GSC: variants seen among roughly 807,000 people sequenced by gnomAD.
GSC encodes goosecoid homeobox.
A neutral mutation model predicts 24.5 loss-of-function variants in GSC; 13 were observed. The ratio of observed to expected loss-of-function variants is 0.53; its 90% CI spans 0.35 to 0.84. The LOEUF is 0.84. Ranked by LOEUF, GSC falls within the 40% of genes least tolerant of loss-of-function variation. The pLI is 0.01. For missense variants in GSC, 382 were observed against 384.2 expected, an observed-to-expected ratio of 0.99 and a Z score of 0.05; for synonymous variants, 199 against 182.1, an observed-to-expected ratio of 1.09 and a Z score of -0.75.
chr14:94,769,680 G>A lies in GSC; in HGVS notation c.336C>T (p.Ser112=). ...AVPPLGAQQC[S]CVPTPPGYEG... is the part of the protein sequence containing the mutation. ...CCCTACCTGGGGGCGTCGGGACGCA[G>A]GAGCACTGCTGGGCGCCCAGCGGCG... is the stretch of plus-strand genomic sequence containing the variant. Residue 112 remains serine (S), a synonymous_variant, in exon 1 of 3, where the codon TCC becomes TCT. Transcript: ENST00000238558. 6.9e-7 allele frequency: 1 copy of A among 1,449,136 alleles called. No individual in the cohort carries two copies. The allele number at this position is 1,449,136 out of a possible 1,614,324, so 89.8% of individuals were successfully genotyped here. A position where few individuals can be genotyped will look rare whatever the true frequency, so the allele number is the denominator to read the frequency against.
chr14:94,769,458 C>G (rs1357815870), intron 1 of GSC, among the ~76,000 whole-genome samples: 1 of 151,440 alleles, frequency 6.6e-6, no homozygotes, highest in African/African-American at 2.5e-5. Context: ...ACCCAGTTTC[C>G]CCGGGCAGGC....
chr14:94,769,622 C>G (rs893595519), intron 1 of GSC, 39 bp downstream of exon 1: 114 of 1,402,910 alleles, frequency 8.1e-5, no homozygotes, highest in Non-Finnish European at 1.0e-4. Flanking sequence ...GGCTAAGGAC[C>G]GCAGTGGGCG....
Position 94,768,252 on chromosome 14 carries a change from C to A in GSC, c.*239G>T. The A allele has an allele frequency of 3.6e-6, 2 of 562,648 alleles. No individual in the cohort carries two copies. The highest frequency in any genetic ancestry group is 1.9e-5 in the South Asian group (1 of 51,576). 34.9% of individuals were successfully genotyped at this position (562,648 alleles called of 1,614,324 possible). On this transcript the variant is annotated 3_prime_UTR_variant, in exon 3 of 3. Transcript: ENST00000238558. ...TCGCCATCACTTTATTGTACTGTCA[C>A]CCTTAATTTAACTATAAATACTACG... is the stretch of plus-strand genomic sequence containing the variant.
rs1234563395 is a variant in GSC, at chr14:94,768,471, G to A, written c.*20C>T. ...GTCCTTCGAGTTAGGTAAGTAATAC[G>A]GGCAAGTGTCCCGCGGCCGTCAGCT... On this transcript the variant is annotated 3_prime_UTR_variant, in exon 3 of 3. Coordinates refer to ENST00000238558, the MANE Select transcript of GSC (RefSeq NM_173849.3). 3.7e-6 allele frequency: 6 copies of A among 1,613,968 alleles called. No individual in the cohort carries two copies. Among genetic ancestry groups the A allele is most frequent in the Admixed American group, 3.3e-5 (2 of 60,032 alleles).
At position 94,769,213 on chromosome 14, in the gene GSC, G is replaced by C; in HGVS notation, c.360C>G (p.Tyr120Ter). The C allele has an allele frequency of 6.4e-7, 1 of 1,553,898 alleles. No individual in the cohort carries two copies. The highest frequency in any genetic ancestry group is 8.7e-7 in the Non-Finnish European group (1 of 1,149,408). ...ACACCAGCACCGAACCGGGGCCCTC[G>C]TAGCCTGCGACAGAGTGGGGCGCAC... ...QCSCVPTPPG[Y>*]EGPGSVLVSP... Residue 120 changes from tyrosine (Y) to a stop codon, truncating the protein, a stop_gained, in exon 2 of 3, where the codon TAC becomes TAG. Coordinates refer to ENST00000238558, the MANE Select transcript of GSC (RefSeq NM_173849.3). LOFTEE classifies it high-confidence loss of function.
Position 94,769,662 on chromosome 14 carries a change from T to C in GSC, c.354A>G (p.Pro118=). The C allele has an allele frequency of 7.0e-7, 1 of 1,435,552 alleles. No individual in the cohort carries two copies. The highest frequency in any genetic ancestry group is 1.5e-5 in the South Asian group (1 of 68,220). The allele number at this position is 1,435,552 out of a possible 1,614,324, so 88.9% of individuals were successfully genotyped here. The change falls in exon 1 of 3, where the codon CCA becomes CCG. Residue 118 remains proline, a splice_region_variant and synonymous_variant. Transcript: ENST00000238558. Reference sequence around the variant, plus strand: ...AGGCCGGAGCGAGCGCGACCCTACCTGGGGGCGTCGGGACGCAGGAGCACT... The same window carrying C: ...AGGCCGGAGCGAGCGCGACCCTACCCGGGGGCGTCGGGACGCAGGAGCACT... The part of the protein sequence containing the change: ...AQQCSCVPTP[P]GYEGPGSVLV...
Position 94,769,743 on chromosome 14 carries a change from C to A in GSC, c.273G>T (p.Gln91His). ...AGCAGGCCGGGCCCACGGGCGCCGC[C>A]TGCACGTGCAGCTGCCCGTAGAAGT... Reference protein sequence around the residue: ...NNYFYGQLHVQAAPVGPACCG... With the variant: ...NNYFYGQLHVHAAPVGPACCG... The change falls in exon 1 of 3, where the codon CAG (glutamine) becomes CAT (histidine). Residue 91 changes from glutamine (Q) to histidine (H), a missense_variant. Coordinates refer to ENST00000238558, the MANE Select transcript of GSC (RefSeq NM_173849.3). 1 of 1,442,988 alleles carries A rather than the reference C, an allele frequency of 6.9e-7. No homozygotes were observed. Among genetic ancestry groups the A allele is most frequent in the South Asian group, 1.4e-5 (1 of 70,580 alleles). 89.4% of individuals were successfully genotyped at this position (1,442,988 alleles called of 1,614,324 possible).
At position 94,770,083 on chromosome 14, in the gene GSC, G is replaced by A; in HGVS notation, c.-68C>T. 1.4e-6 allele frequency: 2 copies of A among 1,401,266 alleles called. No homozygotes were observed. The highest frequency in any genetic ancestry group is 1.9e-6 in the Non-Finnish European group (2 of 1,043,434). 86.8% of individuals were successfully genotyped at this position (1,401,266 alleles called of 1,614,324 possible). ...CGAGGACAGAGCCTTAAAGTGGGGGGGTCCACTCTCCTCCAGCCGCCGACC... is the reference window on the plus strand; with the variant it reads ...CGAGGACAGAGCCTTAAAGTGGGGGAGTCCACTCTCCTCCAGCCGCCGACC... On this transcript the variant is annotated 5_prime_UTR_variant, in exon 1 of 3. Transcript: ENST00000238558.
At chr14:94,769,244 G>T in intron 1 of GSC, 27 bp from the exon 2 acceptor site, 1 of 1,544,684 alleles carries the variant, frequency 6.5e-7, no homozygotes, top group Non-Finnish European at 8.7e-7. Flanking sequence ...CGCACGGTCA[G>T]CCGCCCGCCC....
At position 94,769,320 on chromosome 14, in the gene GSC, G is replaced by A; in HGVS notation, c.356-103C>T. The stretch of plus-strand genomic sequence containing the variant: ...CTTCCACTTAGAAGTCGTCTGCAAG[G>A]GGATGCTGAGAATTGGGGGTGCACG... On this transcript the variant is annotated intron_variant, in intron 1 of 2. Transcript: ENST00000238558. The A allele has an allele frequency of 1.5e-5, 22 of 1,431,660 alleles. No individual in the cohort carries two copies. In the South Asian group the frequency reaches 3.0e-4, roughly 19 times the overall value. The allele number at this position is 1,431,660 out of a possible 1,614,324, so 88.7% of individuals were successfully genotyped here.
rs765088049 is a variant in GSC at position 94,769,101 on chromosome 14, G to A, written c.472C>T (p.Arg158Trp). The A allele has an allele frequency of 2.5e-5, 39 of 1,589,606 alleles. No homozygotes were observed. The highest frequency in any genetic ancestry group is 3.3e-5 in the Non-Finnish European group (39 of 1,168,758). Residue 158 changes from arginine to tryptophan, a missense_variant, in exon 2 of 3, where the codon CGG becomes TGG. Transcript: ENST00000238558. Reference protein sequence around the residue: ...ELQLLNQLHCRRKRRHRTIFT... With the variant: ...ELQLLNQLHCWRKRRHRTIFT... Reference sequence around the variant, plus strand: ...ATGGTGCGGTGCCGCCGCTTCCGCCGACAGTGCAGCTGGTTGAGAAGCTGC... The same window carrying A: ...ATGGTGCGGTGCCGCCGCTTCCGCCAACAGTGCAGCTGGTTGAGAAGCTGC...
intron 1 of GSC, 30 bp downstream of exon 1, chr14:94,769,631 C>T (rs773417491): frequency 7.1e-7 from 1 of 1,399,578 alleles, no homozygotes; most frequent in South Asian, 1.6e-5. Flanking sequence ...CCGCAGTGGG[C>T]GGCAGAGGCC....
Position 94,769,761 on chromosome 14 carries a change from G to A in GSC, c.255C>T (p.Tyr85=). ...GCGCCGCCTGCACGTGCAGCTGCCC[G>A]TAGAAGTAGTTGTTGTAGCCGAGGC... ...GSRLGYNNYF[Y]GQLHVQAAPV... is the part of the protein sequence containing the mutation. The change falls in exon 1 of 3, where the codon TAC becomes TAT. Residue 85 remains tyrosine (Y), a synonymous_variant. Transcript: ENST00000238558. 12 of 1,442,846 alleles carry A rather than the reference G, an allele frequency of 8.3e-6. No individual in the cohort carries two copies. The highest frequency in any genetic ancestry group is 1.1e-5 in the Non-Finnish European group (12 of 1,107,526). 89.4% of individuals were successfully genotyped at this position (1,442,846 alleles called of 1,614,324 possible).
chr14:94,769,531 G>T, intron 1 of GSC, 130 bp downstream of exon 1: 1 of 1,320,644 alleles, frequency 7.6e-7, no homozygotes, highest in Non-Finnish European at 9.9e-7. Flanking sequence ...GCAAACTCCT[G>T]CGCCCGATCG....
rs780836387 is a variant in GSC at position 94,769,162 on chromosome 14, G to A, written c.411C>T (p.Pro137=). The A allele has an allele frequency of 6.4e-7, 1 of 1,566,422 alleles. No individual in the cohort carries two copies. Among genetic ancestry groups the A allele is most frequent in the Non-Finnish European group, 8.6e-7 (1 of 1,156,172 alleles). The part of the protein sequence containing the change: ...LVSPVPHQML[P]YMNVGTLSRT... The stretch of plus-strand genomic sequence containing the variant: ...GCGACAGCGTGCCCACGTTCATGTA[G>A]GGCAGCATCTGGTGCGGTACCGGGG... Residue 137 remains proline, a synonymous_variant, in exon 2 of 3, where the codon CCC becomes CCT. Transcript: ENST00000238558.
At chr14:94,768,788 C>G in intron 2 of GSC, 139 bp from the exon 3 acceptor site, 1 of 1,407,912 alleles carries the variant, frequency 7.1e-7, no homozygotes, top group Admixed American at 2.0e-5. Context: ...CTCCCGCTTC[C>G]GCGTTTTCAT....
intron 2 of GSC, 42 bp from the exon 3 acceptor site, chr14:94,768,691 C>T: frequency 1.2e-6 from 2 of 1,608,318 alleles, no homozygotes; most frequent in Non-Finnish European, 8.5e-7. Context: ...ATCAAAGGCG[C>T]GCTTCCCCCA....
Position 94,768,983 on chromosome 14 carries a change from A to G in GSC, c.590T>C (p.Val197Ala), listed in dbSNP as rs1297615827. Residue 197 changes from valine (V) to alanine (A), a missense_variant, in exon 2 of 3, where the codon GTG becomes GCG. Val to Ala is a moderately conservative substitution (Grantham distance 64). Transcript: ENST00000238558. ...CTCCACTTTCTCCTCGCGGAGGTGC[A>G]CTTTCCGGGCCAGCTGCTCGCGCGT... Reference protein sequence around the residue: ...VGTREQLARKVHLREEKVEVW... With the variant: ...VGTREQLARKAHLREEKVEVW... 5.0e-6 allele frequency: 8 copies of G among 1,593,158 alleles called. No individual in the cohort carries two copies. The highest frequency in any genetic ancestry group is 6.8e-6 in the Non-Finnish European group (8 of 1,171,004).
At chr14:94,769,584 G>T (rs756129132) in intron 1 of GSC, 77 bp downstream of exon 1, 33 of 1,401,614 alleles carry the variant, frequency 2.4e-5, no homozygotes, top group Non-Finnish European at 3.0e-5. Context: ...AAAGTTTGAG[G>T]AAGGTGAATT....
Sources: allele counts gnomAD v4.1 joint callset (sites outside exome capture counted in the v4.1 genomes callset), GRCh38; gene constraint gnomAD v4.1.1; transcripts MANE v1.5; gene names NCBI Gene and HGNC (gene_info 2026-07-23, HGNC 2026-07-21).